NCOA2: variants seen among roughly 807,000 people sequenced by gnomAD.
NCOA2 encodes the protein nuclear receptor coactivator 2, also known as class E basic helix-loop-helix protein 75.
A neutral mutation model predicts 145.1 loss-of-function variants in NCOA2; 21 were observed. The observed-to-expected ratio is 0.14, with a 90% CI of 0.10 to 0.21. NCOA2 has a LOEUF of 0.21. Among genes scored for constraint, NCOA2 ranks in the 10% least tolerant of loss-of-function variants. NCOA2 has a pLI of 1.00. For synonymous variants in NCOA2, 619 were observed against 637.5 expected (o/e 0.97, Z 0.44); for missense variants, 1,472 against 1,837.6 (o/e 0.80, Z 3.64).
intron 1 of NCOA2, among the ~76,000 whole-genome samples, chr8:70,395,303 C>A (rs181368096): frequency 6.6e-6 from 1 of 152,294 alleles, no homozygotes; most frequent in Admixed American, 6.5e-5. Context: ...CTACTGGAGT[C>A]TGGTCTTAAT....
At chr8:70,402,858 G>A (rs1200964344) in intron 1 of NCOA2, among the ~76,000 whole-genome samples, 4 of 140,318 alleles carry the variant, frequency 2.9e-5, no homozygotes, top group African/African-American at 1.1e-4. Context: ...CCGGCTCGGC[G>A]CCGCCGGGGC....
intron 11 of NCOA2, among the ~76,000 whole-genome samples, chr8:70,148,846 GA>G (rs1811411416): frequency 6.6e-6 from 1 of 152,110 alleles, no homozygotes; most frequent in Non-Finnish European, 1.5e-5. Flanking sequence ...AATAGACTAT[GA>G]CTTTGGTCCA....
intron 1 of NCOA2, among the ~76,000 whole-genome samples, chr8:70,345,842 C>A (rs1808573854): frequency 6.6e-6 from 1 of 152,154 alleles, no homozygotes; most frequent in Non-Finnish European, 1.5e-5. Flanking sequence ...AGAAGCAGAG[C>A]TGAGGCTAGA....
chr8:70,174,870 C>T lies in NCOA2; in HGVS notation c.260-11G>A, dbSNP rs2132753381. The T allele has an allele frequency of 1.2e-6, 2 of 1,610,234 alleles. No homozygotes were observed. Among genetic ancestry groups the T allele is most frequent in the East Asian group, 4.5e-5 (2 of 44,860 alleles). On this transcript the variant is annotated splice_polypyrimidine_tract_variant and intron_variant, in intron 4 of 22. Coordinates refer to ENST00000452400, the MANE Select transcript of NCOA2 (RefSeq NM_006540.4). Reference sequence around the variant, plus strand: ...CAGCTGCTGCTTTCTCTGCAATAAACATAAGTGTGAATTAAATGGCAGTGC... The same window carrying T: ...CAGCTGCTGCTTTCTCTGCAATAAATATAAGTGTGAATTAAATGGCAGTGC...
intron 12 of NCOA2, among the ~76,000 whole-genome samples, chr8:70,147,826 T>C (rs1454278023): frequency 2.6e-5 from 4 of 152,214 alleles, no homozygotes; most frequent in Non-Finnish European, 5.9e-5. Context: ...TTTAAATTTA[T>C]TTTTTGTTAC....
At chr8:70,406,479 A>G (rs1450460117), upstream of NCOA2, among the ~76,000 whole-genome samples, 1 of 152,222 alleles carries the variant, frequency 6.6e-6, no homozygotes, top group African/African-American at 2.4e-5. Flanking sequence ...AGGCAAAGAT[A>G]TAGGAACTAG....
At chr8:70,347,570 C>T (rs1356152288) in intron 1 of NCOA2, among the ~76,000 whole-genome samples, 9 of 152,020 alleles carry the variant, frequency 5.9e-5, no homozygotes, top group Admixed American at 5.9e-4. Flanking sequence ...GTAAGAGGAT[C>T]ACTTGAGCCT....
intron 1 of NCOA2, among the ~76,000 whole-genome samples, chr8:70,378,761 A>C (rs963558690): frequency 2.6e-5 from 4 of 151,896 alleles, no homozygotes; most frequent in Non-Finnish European, 5.9e-5. Flanking sequence ...AAAAAAAAAA[A>C]AACATAAAAT....
chr8:70,259,897 A>G (rs1823969620), intron 2 of NCOA2, among the ~76,000 whole-genome samples: 1 of 152,228 alleles, frequency 6.6e-6, no homozygotes, highest in East Asian at 1.9e-4. Flanking sequence ...AAAATGGCTG[A>G]ATAAAGAACA....
rs533212764 is a variant in NCOA2 at position 70,333,976 on chromosome 8, TACCCTA to T, written c.-76-37182_-76-37177del. ...TTCTTTTGGTGTCTGTTGCTACTAC[TACCCTA>T]GTCCAGGTCTTCATGCTTTTCACTC... is the stretch of plus-strand genomic sequence containing the variant. On this transcript the variant is annotated intron_variant, in intron 1 of 22. Transcript: ENST00000452400. 9.2e-4 allele frequency among the ~76,000 whole-genome samples: 140 copies of T among 152,294 alleles called. 2 individuals carry two copies. In the South Asian group the frequency reaches 0.028, roughly 31 times the overall value.
intron 2 of NCOA2, among the ~76,000 whole-genome samples, chr8:70,230,550 GATAA>G (rs1245340966): frequency 6.6e-6 from 1 of 152,302 alleles, no homozygotes; most frequent in South Asian, 2.1e-4. Context: ...CTGTGCAACA[GATAA>G]ATAGATAGTT....
chr8:70,314,085 T>G (rs1218496903), intron 1 of NCOA2, among the ~76,000 whole-genome samples: 1 of 139,854 alleles, frequency 7.2e-6, no homozygotes, highest in African/African-American at 2.7e-5. Context: ...GAGGCTGAGG[T>G]AGGAGAATGG....
chr8:70,450,674 G>T, the NCOA2 span, among the ~76,000 whole-genome samples: 1 of 142,054 alleles, frequency 7.0e-6, no homozygotes, highest in African/African-American at 2.7e-5. Flanking sequence ...CCACTTCCTG[G>T]GTTCAAGTGA....
chr8:70,330,344 G>A (rs1806983704), intron 1 of NCOA2, among the ~76,000 whole-genome samples: 3 of 151,902 alleles, frequency 2.0e-5, no homozygotes, highest in African/African-American at 7.3e-5. Context: ...CCAACGCAGA[G>A]GGATCCCTTG....
intron 2 of NCOA2, among the ~76,000 whole-genome samples, chr8:70,221,039 T>C (rs777094587): frequency 1.3e-5 from 2 of 152,206 alleles, no homozygotes; most frequent in Non-Finnish European, 2.9e-5. Context: ...ACTTCTCTTA[T>C]GAATGTCTAC....
At chr8:70,370,027 A>G (rs111355455) in intron 1 of NCOA2, among the ~76,000 whole-genome samples, 2,687 of 152,148 alleles carry the variant, frequency 0.018, 65 homozygotes, top group African/African-American at 0.06. Context: ...CTGAGACCAC[A>G]GGGGTGTGCC....
At chr8:70,225,579 G>GAAAAGA (rs1375785545) in intron 2 of NCOA2, among the ~76,000 whole-genome samples, 3 of 151,066 alleles carry the variant, frequency 2.0e-5, no homozygotes, top group African/African-American at 7.3e-5. Flanking sequence ...AGAAAGAAAA[G>GAAAAGA]AAAAGAAAAA....
At chr8:70,283,691 C>G (rs1305503471) in intron 2 of NCOA2, among the ~76,000 whole-genome samples, 2 of 152,178 alleles carry the variant, frequency 1.3e-5, no homozygotes, top group African/African-American at 4.8e-5. Context: ...CAAAATAATA[C>G]AAGATAAGTG....
chr8:70,412,608 A>G, the NCOA2 span, among the ~76,000 whole-genome samples: 1 of 138,240 alleles, frequency 7.2e-6, no homozygotes. Context: ...AGATAACACC[A>G]CTGCACTCCA....
Sources: allele counts gnomAD v4.1 joint callset (sites outside exome capture counted in the v4.1 genomes callset), GRCh38; gene constraint gnomAD v4.1.1; transcripts MANE v1.5; gene names NCBI Gene and HGNC (gene_info 2026-07-23, HGNC 2026-07-21).